SLC13A5: variants seen among roughly 807,000 people sequenced by gnomAD.
SLC13A5 encodes the protein Na(+)/citrate cotransporter.
In SLC13A5, 25 loss-of-function variants were observed where a neutral mutation model predicts 56.5. That is an observed-to-expected ratio of 0.44 (90% confidence interval 0.32 to 0.62). SLC13A5 has a LOEUF of 0.62. Ranked by LOEUF, SLC13A5 falls within the 20% of genes least tolerant of loss-of-function variation. The probability of loss-of-function intolerance (pLI) is 0.04; values close to 1 mark genes in which losing one functional copy is unlikely to be tolerated. For synonymous variants in SLC13A5, 307 were observed against 301.5 expected, an observed-to-expected ratio of 1.02 and a Z score of -0.19; for missense variants, 649 against 737.8, an observed-to-expected ratio of 0.88 and a Z score of 1.39.
At chr17:6,699,325 T>C (rs1010902252) in intron 6 of SLC13A5, among the ~76,000 whole-genome samples, 2 of 152,136 alleles carry the variant, frequency 1.3e-5, no homozygotes, top group East Asian at 3.9e-4. Context: ...AGAGAGCTAC[T>C]GTCAAAGCCA....
In SLC13A5 at chr17:6,709,334, A is replaced by G. The variant is rs1481516812; in HGVS notation, c.103-2178T>C. On this transcript the variant is annotated intron_variant, in intron 1 of 11. Transcript: ENST00000433363. ...CCCCAGGCTGGAGTGCAGTGGTGCA[A>G]TCTTGGCTCACTGCAGCCTCTACCT... 8.5e-5 allele frequency among the ~76,000 whole-genome samples: 13 copies of G among 152,078 alleles called. No homozygotes were observed. The South Asian group carries it at 2.7e-3, about 32-fold the overall frequency.
chr17:6,692,764 C>T lies in SLC13A5; in HGVS notation c.1275+280G>A, dbSNP rs1597659238. The T allele has an allele frequency of 2.2e-6, 1 of 454,578 alleles. No homozygotes were observed. Among genetic ancestry groups the T allele is most frequent in the South Asian group, 2.5e-5 (1 of 40,064 alleles). The allele number at this position is 454,578 out of a possible 1,614,324, so 28.2% of individuals were successfully genotyped here. A position where few individuals can be genotyped will look rare whatever the true frequency, so the allele number is the denominator to read the frequency against. The stretch of plus-strand genomic sequence containing the variant: ...AAAGCAGAGATTATTGTGATCAAGC[C>T]CCAGAGGGTAACTGACAGTGTCCTC... On this transcript the variant is annotated intron_variant, in intron 9 of 11. Coordinates refer to ENST00000433363, the MANE Select transcript of SLC13A5 (RefSeq NM_177550.5). This position sits in a 1 kb window ranked among gnomAD's most constrained non-coding sequence, Gnocchi z 5.5.
At chr17:6,706,580 AC>A (rs1458639236) in intron 3 of SLC13A5, 61 bp downstream of exon 3, 3 of 1,584,342 alleles carry the variant, frequency 1.9e-6, no homozygotes, top group Admixed American at 3.5e-5. Context: ...GCCATCCTCC[AC>A]CCCCTTCCAG....
intron 6 of SLC13A5, among the ~76,000 whole-genome samples, chr17:6,698,662 A>G (rs1305489377): frequency 1.3e-5 from 2 of 152,168 alleles, no homozygotes; most frequent in Non-Finnish European, 2.9e-5. Flanking sequence ...TCACCTCTCC[A>G]TGCCTCAGTT....
intron 3 of SLC13A5, chr17:6,705,218 T>C (rs1178376115): frequency 1.3e-5 from 2 of 152,062 alleles, no homozygotes; most frequent in East Asian, 3.9e-4. Flanking sequence ...AGAGTTTGCA[T>C]GAATGGAGTT....
At chr17:6,712,519 C>T (rs560559572) in intron 1 of SLC13A5, among the ~76,000 whole-genome samples, 2 of 152,358 alleles carry the variant, frequency 1.3e-5, no homozygotes, top group South Asian at 4.1e-4. Flanking sequence ...GTCCTGCCAC[C>T]CAAGGCGCGA....
rs1312719008 is a variant in SLC13A5 at position 6,692,214 on chromosome 17, T to C, written c.1275+830A>G. The stretch of plus-strand genomic sequence containing the variant: ...ATAGATAGATGGGTGGATAGATAGA[T>C]GGGTGGATGGATGGACAGATGGATG... On this transcript the variant is annotated intron_variant, in intron 9 of 11. Coordinates refer to ENST00000433363, the MANE Select transcript of SLC13A5 (RefSeq NM_177550.5). This position sits in a 1 kb window ranked among gnomAD's most constrained non-coding sequence, Gnocchi z 5.5. Among the ~76,000 whole-genome samples the C allele has an allele frequency of 6.7e-6, 1 of 150,062 alleles. No individual in the cohort carries two copies. The highest frequency in any genetic ancestry group is 2.5e-5 in the African/African-American group (1 of 40,388).
rs973184427 is a variant in SLC13A5, at chr17:6,690,047, G to A, written c.1437+732C>T. 1.2e-4 allele frequency: 9 copies of A among 77,800 alleles called. 1 individual carries two copies. Among genetic ancestry groups the A allele is most frequent in the African/African-American group, 4.0e-4 (9 of 22,326 alleles). The allele number at this position is 77,800 out of a possible 1,614,324, so 4.8% of individuals were successfully genotyped here. ...AAGCTGGTACGTCTTTGCAATGGAT[G>A]ACAGAAGGAAATGCAAAAAAAAAAA... On this transcript the variant is annotated intron_variant, in intron 10 of 11. Transcript: ENST00000433363.
chr17:6,709,905 C>T (rs748987762), intron 1 of SLC13A5, among the ~76,000 whole-genome samples: 29 of 152,164 alleles, frequency 1.9e-4, no homozygotes, highest in South Asian at 2.1e-4. Flanking sequence ...TTTAGAGCAC[C>T]GCTGGCCTCC....
chr17:6,703,473 C>T (rs1228830256), intron 4 of SLC13A5, among the ~76,000 whole-genome samples: 6 of 152,164 alleles, frequency 3.9e-5, no homozygotes, highest in Non-Finnish European at 5.9e-5. Flanking sequence ...AAGCATGGGA[C>T]GCCAAGCCCC....
intron 6 of SLC13A5, among the ~76,000 whole-genome samples, chr17:6,699,787 G>A (rs2151491022): frequency 6.6e-6 from 1 of 152,238 alleles, no homozygotes; most frequent in African/African-American, 2.4e-5. Context: ...TGTATTTTTA[G>A]TAGAGACGGG....
Position 6,687,531 on chromosome 17 carries a change from T to A in SLC13A5, c.1573A>T (p.Met525Leu). ...GTAAATAAAAACAGCTGTGTTACCA[T>A]GTCAGCAACCTTGAGGTGCCCATAG... ...FTYGHLKVADMVKTGVIMNII... is the reference protein window; with the variant it reads ...FTYGHLKVADLVKTGVIMNII... Residue 525 changes from methionine (M) to leucine (L), a missense_variant and splice_region_variant, in exon 11 of 12, where the codon ATG becomes TTG. Coordinates refer to ENST00000433363, the MANE Select transcript of SLC13A5 (RefSeq NM_177550.5). This position sits in a 1 kb window ranked among gnomAD's most constrained non-coding sequence, Gnocchi z 5.0. 1 of 1,613,702 alleles carries A rather than the reference T, an allele frequency of 6.2e-7. No individual in the cohort carries two copies. Among genetic ancestry groups the A allele is most frequent in the Non-Finnish European group, 8.5e-7 (1 of 1,179,868 alleles).
intron 3 of SLC13A5, chr17:6,704,522 G>A: frequency 6.0e-6 from 2 of 331,312 alleles, no homozygotes; most frequent in Non-Finnish European, 1.2e-5. Context: ...GCACCTCTCA[G>A]AAGTTCAGAA....
At chr17:6,707,292 T>C in intron 1 of SLC13A5, 136 bp from the exon 2 acceptor site, 2 of 1,200,878 alleles carry the variant, frequency 1.7e-6, no homozygotes, top group Non-Finnish European at 1.2e-6. Context: ...AGTCATCTTG[T>C]TCCCCAGCCC....
chr17:6,694,427 G>A (rs1032889101), intron 7 of SLC13A5, among the ~76,000 whole-genome samples: 2 of 152,072 alleles, frequency 1.3e-5, no homozygotes, highest in African/African-American at 2.4e-5. Flanking sequence ...GACCAGCCTG[G>A]CCAACATAGT....
chr17:6,694,076 C>T (rs763865118), intron 8 of SLC13A5, 21 bp downstream of exon 8: 13 of 1,554,656 alleles, frequency 8.4e-6, no homozygotes, highest in Middle Eastern at 1.7e-4. Flanking sequence ...GATGACTGGG[C>T]GATCAGAACA....
intron 11 of SLC13A5, chr17:6,686,547 TG>T (rs1697264901): frequency 5.2e-6 from 3 of 579,292 alleles, no homozygotes; most frequent in Non-Finnish European, 9.1e-6. Flanking sequence ...GCAGAGTGGA[TG>T]GGTTCTCTAT....
intron 1 of SLC13A5, among the ~76,000 whole-genome samples, chr17:6,712,337 G>C (rs948564661): frequency 2.0e-4 from 30 of 152,210 alleles, no homozygotes; most frequent in African/African-American, 7.2e-4. Context: ...AACGAGGAAG[G>C]AGCAGCCAGC....
Position 6,707,257 on chromosome 17 carries a change from C to A in SLC13A5, c.103-101G>T, listed in dbSNP as rs1182210164. The stretch of plus-strand genomic sequence containing the variant: ...TGGCATGGATTGTCAAGACACAGTG[C>A]TGATCTCAGAGGGATTCCCCTCAAA... On this transcript the variant is annotated intron_variant, in intron 1 of 11. Coordinates refer to ENST00000433363, the MANE Select transcript of SLC13A5 (RefSeq NM_177550.5). 3 of 1,450,576 alleles carry A rather than the reference C, an allele frequency of 2.1e-6. No homozygotes were observed. The Admixed American group carries it at 5.8e-5, about 28-fold the overall frequency. The allele number at this position is 1,450,576 out of a possible 1,614,324, so 89.9% of individuals were successfully genotyped here. A position where few individuals can be genotyped will look rare whatever the true frequency, so the allele number is the denominator to read the frequency against.
Sources: gnomAD v4.1 joint callset for allele counts (sites outside exome capture counted in the v4.1 genomes callset) on GRCh38, gnomAD v4.1.1 for gene constraint, Gnocchi (gnomAD v3.1) non-coding constraint, MANE v1.5 for transcripts, NCBI Gene and HGNC (gene_info 2026-07-23, HGNC 2026-07-21) for gene names.